DSCAM: variants seen among roughly 807,000 people sequenced by gnomAD.
The protein encoded by DSCAM is cell adhesion molecule DSCAM.
A neutral mutation model predicts 217.7 loss-of-function variants in DSCAM; 47 were observed. The ratio of observed to expected loss-of-function variants is 0.22; its 90% CI spans 0.17 to 0.28. DSCAM has a LOEUF of 0.28. Ranked by LOEUF, DSCAM falls within the 10% of genes least tolerant of loss-of-function variation. DSCAM has a pLI of 1.00. For missense variants in DSCAM, 2,080 were observed against 2,618.3 expected, an observed-to-expected ratio of 0.79 and a Z score of 4.49; for synonymous variants, 1,056 against 1,015.3, an observed-to-expected ratio of 1.04 and a Z score of -0.76.
intron 3 of DSCAM, among the ~76,000 whole-genome samples, chr21:40,376,183 C>G (rs528556633): frequency 1.3e-5 from 2 of 152,186 alleles, no homozygotes; most frequent in South Asian, 4.2e-4. Context: ...AATGGTAGCA[C>G]AAGCACGATG....
chr21:40,400,056 A>G (rs1018626008), intron 3 of DSCAM, among the ~76,000 whole-genome samples: 2 of 152,186 alleles, frequency 1.3e-5, no homozygotes, highest in Non-Finnish European at 2.9e-5. Context: ...AGCAGGTGTC[A>G]TGGTCAGCAT....
intron 1 of DSCAM, among the ~76,000 whole-genome samples, chr21:40,786,767 G>T (rs182245379): frequency 6.6e-6 from 1 of 152,262 alleles, no homozygotes; most frequent in Admixed American, 6.5e-5. Flanking sequence ...CATAATAATG[G>T]TCGTAATCAC....
At chr21:40,693,402 A>C (rs113092373) in intron 2 of DSCAM, among the ~76,000 whole-genome samples, 3 of 152,144 alleles carry the variant, frequency 2.0e-5, no homozygotes, top group African/African-American at 7.2e-5. Flanking sequence ...CACTGCACCC[A>C]GCCTGGGTGA....
chr21:40,681,719 C>T (rs943312992), intron 3 of DSCAM, among the ~76,000 whole-genome samples: 1 of 152,108 alleles, frequency 6.6e-6, no homozygotes, highest in African/African-American at 2.4e-5. Flanking sequence ...ATTTAAGTTA[C>T]CATGAGGTCA....
chr21:40,261,923 A>G (rs1173527208), intron 11 of DSCAM, among the ~76,000 whole-genome samples: 6 of 152,158 alleles, frequency 3.9e-5, no homozygotes, highest in Non-Finnish European at 8.8e-5. Flanking sequence ...AGAGGTAATT[A>G]GAGTGAGATG....
chr21:40,675,059 C>T (rs564430301), intron 3 of DSCAM, among the ~76,000 whole-genome samples: 1 of 152,068 alleles, frequency 6.6e-6, no homozygotes, highest in Non-Finnish European at 1.5e-5. Context: ...ACACACGATG[C>T]ATGTTCATTA....
chr21:40,210,833 C>T (rs1046527724), intron 11 of DSCAM, among the ~76,000 whole-genome samples: 9 of 152,242 alleles, frequency 5.9e-5, no homozygotes, highest in African/African-American at 2.2e-4. Flanking sequence ...GCATGAGCCA[C>T]TGCACCTGGC....
intron 1 of DSCAM, among the ~76,000 whole-genome samples, chr21:40,773,035 G>T (rs2091460042): frequency 1.3e-5 from 2 of 152,200 alleles, no homozygotes; most frequent in South Asian, 4.1e-4. Context: ...ATCCCTGCAG[G>T]GCGCTCTGTG....
At chr21:40,669,910 T>C (rs1357758812) in intron 3 of DSCAM, among the ~76,000 whole-genome samples, 1 of 140,892 alleles carries the variant, frequency 7.1e-6, no homozygotes, top group African/African-American at 3.2e-5. Flanking sequence ...TACTTTTCAT[T>C]TTCTAAGGCT....
intron 3 of DSCAM, among the ~76,000 whole-genome samples, chr21:40,389,799 G>C (rs750412893): frequency 6.6e-6 from 1 of 152,180 alleles, no homozygotes; most frequent in African/African-American, 2.4e-5. Flanking sequence ...GCCATGCCAC[G>C]TGTTCATGCA....
intron 3 of DSCAM, among the ~76,000 whole-genome samples, chr21:40,463,865 T>A (rs2075824272): frequency 6.6e-6 from 1 of 152,170 alleles, no homozygotes. Flanking sequence ...ACCTCATACT[T>A]CACTAGAAAG....
intron 3 of DSCAM, among the ~76,000 whole-genome samples, chr21:40,489,618 C>CA (rs1373949410): frequency 2.7e-5 from 4 of 150,900 alleles, no homozygotes; most frequent in Non-Finnish European, 4.4e-5. Flanking sequence ...ACTAAAAATA[C>CA]AAAAAAATTA....
chr21:40,395,071 C>T (rs779052067), intron 3 of DSCAM, among the ~76,000 whole-genome samples: 7 of 152,016 alleles, frequency 4.6e-5, no homozygotes, highest in Admixed American at 1.3e-4. Flanking sequence ...GTGTAATTGA[C>T]GAAAAACATT....
intron 3 of DSCAM, among the ~76,000 whole-genome samples, chr21:40,622,849 A>G (rs2089539962): frequency 6.8e-6 from 1 of 147,726 alleles, no homozygotes; most frequent in Non-Finnish European, 1.5e-5. Context: ...AGCACTTAAC[A>G]CTGATTTGTA....
At chr21:40,437,844 T>C (rs555859641) in intron 3 of DSCAM, among the ~76,000 whole-genome samples, 4 of 152,132 alleles carry the variant, frequency 2.6e-5, no homozygotes, top group African/African-American at 9.6e-5. Flanking sequence ...GAGTGAAACT[T>C]AGTCTCAAAA....
chr21:40,674,360 G>C (rs760352), intron 3 of DSCAM, among the ~76,000 whole-genome samples: 82,038 of 151,976 alleles, frequency 0.54, 23,142 homozygotes, highest in African/African-American at 0.69. Flanking sequence ...CCTATTCCTG[G>C]CTTGGTCATG....
At chr21:40,729,266 G>A (rs542751586) in intron 1 of DSCAM, among the ~76,000 whole-genome samples, 1 of 152,298 alleles carries the variant, frequency 6.6e-6, no homozygotes, top group South Asian at 2.1e-4. Context: ...ACAGAGCTGG[G>A]ATTTGGTGCT....
chr21:40,443,101 C>A (rs532365838), intron 3 of DSCAM, among the ~76,000 whole-genome samples: 16 of 152,274 alleles, frequency 1.1e-4, no homozygotes, highest in African/African-American at 1.7e-4. Flanking sequence ...TGGATCATAT[C>A]GTGTTGATAA....
At chr21:40,712,843 G>C (rs978552767) in intron 1 of DSCAM, among the ~76,000 whole-genome samples, 1 of 151,992 alleles carries the variant, frequency 6.6e-6, no homozygotes, top group Non-Finnish European at 1.5e-5. Flanking sequence ...GAAGGTGGGG[G>C]GTACAGGCGA....
Sources: gnomAD v4.1 joint callset for allele counts (sites outside exome capture counted in the v4.1 genomes callset) on GRCh38, gnomAD v4.1.1 for gene constraint, MANE v1.5 for transcripts, NCBI Gene and HGNC (gene_info 2026-07-23, HGNC 2026-07-21) for gene names.